Variants in HGSNAT observed in about 807,000 individuals in gnomAD.
HGSNAT encodes heparan-alpha-glucosaminide N-acetyltransferase.
In HGSNAT, 59 loss-of-function variants were observed where a neutral mutation model predicts 85.2. The ratio of observed to expected loss-of-function variants is 0.69; its 90% CI spans 0.56 to 0.86. The LOEUF (loss-of-function observed/expected upper bound fraction) is 0.86, where lower values mean the gene tolerates loss of function less well. Ranked by LOEUF, HGSNAT falls within the 40% of genes least tolerant of loss-of-function variation. The probability of loss-of-function intolerance (pLI) is 0.00; values close to 1 mark genes in which losing one functional copy is unlikely to be tolerated. For missense variants in HGSNAT, 756 were observed against 777.1 expected (o/e 0.97, Z 0.32); for synonymous variants, 321 against 304.5 (o/e 1.05, Z -0.56).
At chr8:43,199,349 T>G in intron 17 of HGSNAT, 39 bp from the exon 18 acceptor site, 1 of 1,404,226 alleles carries the variant, frequency 7.1e-7, no homozygotes, top group Non-Finnish European at 9.9e-7. Context: ...GTGACTCATC[T>G]GTGAGAAACA....
chr8:43,164,865 G>T (rs1803383450), intron 5 of HGSNAT, among the ~76,000 whole-genome samples: 1 of 151,982 alleles, frequency 6.6e-6, no homozygotes, highest in Non-Finnish European at 1.5e-5. Flanking sequence ...ATTATAATTG[G>T]CCTAATTTCA....
intron 13 of HGSNAT, among the ~76,000 whole-genome samples, chr8:43,193,459 C>T (rs912236911): frequency 2.0e-5 from 3 of 152,182 alleles, no homozygotes; most frequent in African/African-American, 4.8e-5. Flanking sequence ...GTCAGGAAGG[C>T]GTCATGTCAC....
In HGSNAT at chr8:43,147,027, C is replaced by CTCA. The variant is rs1409093216; in HGVS notation, c.199_200insCAT (p.Asn66_Leu67insSer). ...TCCATAATGAACTTCTCTGGACCAACTTGACCGTCTACTGGAAATCTGAAT... is the reference window on the plus strand; with the variant it reads ...TCCATAATGAACTTCTCTGGACCAACTCATTGACCGTCTACTGGAAATCTGAAT... On this transcript the variant is annotated inframe_insertion, in exon 2 of 18. Transcript: ENST00000379644. 15 of 1,607,342 alleles carry CTCA rather than the reference C, an allele frequency of 9.3e-6. No homozygotes were observed. In the South Asian group the frequency reaches 1.5e-4, roughly 16 times the overall value.
rs541746867 is a variant in HGSNAT at position 43,166,256 on chromosome 8, A to G, written c.564-2917A>G. 4.3e-4 allele frequency among the ~76,000 whole-genome samples: 66 copies of G among 152,234 alleles called. 1 individual carries two copies. The highest frequency in any genetic ancestry group is 9.1e-4 in the Non-Finnish European group (62 of 68,048). ...GAAGATCCAGCTAAGATAATTGATG[A>G]AAGTGGCTACACTAACAACACAGTT... On this transcript the variant is annotated intron_variant, in intron 5 of 17. Transcript: ENST00000379644.
intron 11 of HGSNAT, 30 bp downstream of exon 11, chr8:43,182,290 CTT>C: frequency 6.5e-7 from 1 of 1,539,280 alleles, no homozygotes; most frequent in Non-Finnish European, 9.0e-7. Flanking sequence ...TTAAGAAAAA[CTT>C]TTTTTAAATT....
chr8:43,182,228 T>A lies in HGSNAT; in HGVS notation c.1096T>A (p.Phe366Ile). The A allele has an allele frequency of 6.2e-7, 1 of 1,613,978 alleles. No homozygotes were observed. The highest frequency in any genetic ancestry group is 8.5e-7 in the Non-Finnish European group (1 of 1,179,836). The change falls in exon 11 of 18, where the codon TTT becomes ATT. Residue 366 changes from phenylalanine (F) to isoleucine (I), a missense_variant. Physicochemically the swap from Phe to Ile is conservative, Grantham distance 21 (BLOSUM62 0). Transcript: ENST00000379644. ...YFVVAVLELL[F>I]AKPVPEHCAS... ...TGTGGTTGCTGTGTTGGAGCTCCTC[T>A]TTGCTAAACCTGTGCCTGAACATTG...
intron 11 of HGSNAT, among the ~76,000 whole-genome samples, chr8:43,187,495 GT>G (rs1804359295): frequency 6.6e-6 from 1 of 152,168 alleles, no homozygotes; most frequent in African/African-American, 2.4e-5. Context: ...CGTTTACCTG[GT>G]AGATCTTCCT....
intron 6 of HGSNAT, 63 bp downstream of exon 6, chr8:43,169,305 C>G: frequency 9.6e-7 from 1 of 1,042,448 alleles, no homozygotes; most frequent in Non-Finnish European, 1.4e-6. Flanking sequence ...TTTATAGTTT[C>G]TTATTTAATC....
chr8:43,172,574 C>T (rs1027452249), intron 8 of HGSNAT, among the ~76,000 whole-genome samples, 188 bp downstream of exon 8: 2 of 152,158 alleles, frequency 1.3e-5, no homozygotes, highest in East Asian at 3.9e-4. Context: ...AGTTTTGTTC[C>T]TCCTTTTGTG....
intron 1 of HGSNAT, among the ~76,000 whole-genome samples, chr8:43,145,703 A>T (rs963837988): frequency 5.9e-5 from 9 of 152,014 alleles, no homozygotes; most frequent in South Asian, 2.1e-4. Flanking sequence ...GTGAGCCGAG[A>T]TCGCGCCACT....
At position 43,202,670 on chromosome 8, in the gene HGSNAT, A is replaced by C. The variant is rs1311264935; in HGVS notation, c.*3101A>C. 1 of 152,208 alleles carries C rather than the reference A, an allele frequency of 6.6e-6. No homozygotes were observed. The highest frequency in any genetic ancestry group is 1.5e-5 in the Non-Finnish European group (1 of 68,046). 9.4% of individuals were successfully genotyped at this position (152,208 alleles called of 1,614,324 possible). ...AATATACTGCCGCTGTAGATCATAA[A>C]ATGTATCTTTTCCATGGCCAACAAG... On this transcript the variant is annotated 3_prime_UTR_variant, in exon 18 of 18. Coordinates refer to ENST00000379644, the MANE Select transcript of HGSNAT (RefSeq NM_152419.3).
chr8:43,166,716 C>G (rs1803447693), intron 5 of HGSNAT, among the ~76,000 whole-genome samples: 1 of 152,074 alleles, frequency 6.6e-6, no homozygotes. Context: ...ATTCTGCAGC[C>G]CATGGATCAA....
chr8:43,141,878 C>T (rs939820256), intron 1 of HGSNAT, among the ~76,000 whole-genome samples: 2 of 152,106 alleles, frequency 1.3e-5, no homozygotes, highest in African/African-American at 4.8e-5. Flanking sequence ...TGCATTTTAG[C>T]GCCAGTATTA....
intron 2 of HGSNAT, among the ~76,000 whole-genome samples, 164 bp from the exon 3 acceptor site, chr8:43,158,411 A>C (rs1803160767): frequency 1.3e-5 from 2 of 152,150 alleles, no homozygotes; most frequent in Admixed American, 6.6e-5. Context: ...TCATTGTTTT[A>C]GTACAAAATA....
At position 43,199,506 on chromosome 8, in the gene HGSNAT, C is replaced by T. The variant is rs768575788; in HGVS notation, c.1845C>T (p.Ala615=). The T allele has an allele frequency of 1.2e-6, 2 of 1,610,552 alleles. No homozygotes were observed. Among genetic ancestry groups the T allele is most frequent in the South Asian group, 2.2e-5 (2 of 90,270 alleles). The change falls in exon 18 of 18, where the codon GCC becomes GCT. Residue 615 remains alanine (A), a synonymous_variant. Transcript: ENST00000379644. ...HKEHLTQNIV[A]TALWVLIAYI... is the part of the protein sequence containing the mutation. ...AGCACCTGACTCAGAACATCGTCGC[C>T]ACTGCCCTCTGGGTGCTCATTGCCT...
intron 2 of HGSNAT, among the ~76,000 whole-genome samples, chr8:43,149,861 G>T (rs1421946952): frequency 1.3e-5 from 2 of 152,120 alleles, no homozygotes; most frequent in African/African-American, 2.4e-5. Flanking sequence ...TAAGGTGAAG[G>T]TATGCCCAAG....
rs200079240 is a variant in HGSNAT, at chr8:43,158,700, A to G, written c.360A>G (p.Lys120=). 5.0e-6 allele frequency: 8 copies of G among 1,603,220 alleles called. No individual in the cohort carries two copies. Among genetic ancestry groups the G allele is most frequent in the African/African-American group, 4.0e-5 (3 of 74,670 alleles). Residue 120 remains lysine, a synonymous_variant, in exon 3 of 18, where the codon AAA becomes AAG. Transcript: ENST00000379644. ...AGCTGAACGACACCTTGGAAGAGAAAGAAGTTTGTAGGTTTGTGCCTGCTT... is the reference window on the plus strand; with the variant it reads ...AGCTGAACGACACCTTGGAAGAGAAGGAAGTTTGTAGGTTTGTGCCTGCTT... ...ILQLNDTLEE[K]EVCRLEYRFG...
intron 11 of HGSNAT, among the ~76,000 whole-genome samples, chr8:43,188,739 A>G (rs974890380): frequency 1.3e-5 from 2 of 151,922 alleles, no homozygotes; most frequent in African/African-American, 4.8e-5. Flanking sequence ...GATTTTTAGA[A>G]TTTTCAGCTT....
rs1802482509 is a variant in HGSNAT at position 43,140,578 on chromosome 8, T to C, written c.82T>C (p.Ser28Pro). Residue 28 changes from serine (S) to proline (P), a missense_variant, in exon 1 of 18, where the codon TCT becomes CCT. Coordinates refer to ENST00000379644, the MANE Select transcript of HGSNAT (RefSeq NM_152419.3). Reference sequence around the variant, plus strand: ...CGCCGCGCTGCTGGCCCCCGGCGGCTCTTCGGGGCGCGATGCCCAGGCCGC... The same window carrying C: ...CGCCGCGCTGCTGGCCCCCGGCGGCCCTTCGGGGCGCGATGCCCAGGCCGC... ...LSAALLAPGG[S>P]SGRDAQAAPP... 3.3e-6 allele frequency: 4 copies of C among 1,230,236 alleles called. No homozygotes were observed. The highest frequency in any genetic ancestry group is 4.1e-6 in the Non-Finnish European group (4 of 979,026). 76.2% of individuals were successfully genotyped at this position (1,230,236 alleles called of 1,614,324 possible). A position where few individuals can be genotyped will look rare whatever the true frequency, so the allele number is the denominator to read the frequency against.
Sources: allele counts gnomAD v4.1 joint callset (sites outside exome capture counted in the v4.1 genomes callset), GRCh38; gene constraint gnomAD v4.1.1; transcripts MANE v1.5; gene names NCBI Gene and HGNC (gene_info 2026-07-23, HGNC 2026-07-21).